The following NADK2 variants were observed in gnomAD, a reference collection of about 807,000 sequenced individuals.
NADK2 encodes NAD kinase domain-containing protein 1, mitochondrial.
Under a neutral mutation model 62.1 loss-of-function variants are expected in NADK2, and 35 were observed. The ratio of observed to expected loss-of-function variants is 0.56; its 90% CI spans 0.43 to 0.75. The LOEUF is 0.75. Among genes scored for constraint, NADK2 ranks in the 30% least tolerant of loss-of-function variants. The pLI, the probability that NADK2 is intolerant of heterozygous loss-of-function variation, is 0.00. For missense variants in NADK2, 439 were observed against 561.3 expected, an observed-to-expected ratio of 0.78 and a Z score of 2.20; for synonymous variants, 205 against 207.9, an observed-to-expected ratio of 0.99 and a Z score of 0.12.
chr5:36,192,817 T>C lies in NADK2; in HGVS notation c.*2327A>G, dbSNP rs1579586859. On this transcript the variant is annotated 3_prime_UTR_variant, in exon 12 of 12. Transcript: ENST00000381937. ...GGGGAAACACTTCTGAAACATAACATTTTGTGAAAACTAGTTTTCAAATAA... is the reference window on the plus strand; with the variant it reads ...GGGGAAACACTTCTGAAACATAACACTTTGTGAAAACTAGTTTTCAAATAA... The C allele has an allele frequency of 1.3e-5, 2 of 152,296 alleles. No homozygotes were observed. The allele number at this position is 152,296 out of a possible 1,614,324, so 9.4% of individuals were successfully genotyped here.
At chr5:36,203,030 TAA>T (rs1281582206) in intron 8 of NADK2, among the ~76,000 whole-genome samples, 1 of 151,678 alleles carries the variant, frequency 6.6e-6, no homozygotes, top group East Asian at 2.0e-4. Flanking sequence ...TATCAAGAAT[TAA>T]AAGAGAGAAA....
At chr5:36,195,603 T>C (rs1257545624) in intron 11 of NADK2, among the ~76,000 whole-genome samples, 6 of 152,238 alleles carry the variant, frequency 3.9e-5, no homozygotes, top group African/African-American at 1.2e-4. Flanking sequence ...ACTATTTTCA[T>C]GTAAAATTTG....
At position 36,219,651 on chromosome 5, in the gene NADK2, G is replaced by A; in HGVS notation, c.589C>T (p.Arg197Ter). ...GCTTCTGGAAAGGAATGTGTATATCGAACGGGCAGGCATAAATGACCCTCA... is the reference window on the plus strand; with the variant it reads ...GCTTCTGGAAAGGAATGTGTATATCAAACGGGCAGGCATAAATGACCCTCA... ...RSEGHLCLPV[R>*]YTHSFPEALQ... The change falls in exon 5 of 12, where the codon CGA becomes TGA. Residue 197 changes from arginine (R) to a stop codon, truncating the protein, a stop_gained. Coordinates refer to ENST00000381937, the MANE Select transcript of NADK2 (RefSeq NM_001085411.3). LOFTEE classifies it high-confidence loss of function. The A allele has an allele frequency of 2.5e-6, 4 of 1,613,762 alleles. No individual in the cohort carries two copies. Among genetic ancestry groups the A allele is most frequent in the Non-Finnish European group, 3.4e-6 (4 of 1,179,836 alleles).
intron 1 of NADK2, among the ~76,000 whole-genome samples, chr5:36,230,222 T>TC (rs1318705202): frequency 6.6e-6 from 1 of 152,140 alleles, no homozygotes; most frequent in Admixed American, 6.5e-5. Context: ...TCATTTTTCC[T>TC]CCCCATTCCC....
At chr5:36,219,054 G>A (rs1334269576) in intron 5 of NADK2, among the ~76,000 whole-genome samples, 1 of 152,140 alleles carries the variant, frequency 6.6e-6, no homozygotes, top group African/African-American at 2.4e-5. Context: ...TTATATTATA[G>A]GCCAACCAAT....
At chr5:36,200,345 C>T (rs1746393841) in intron 9 of NADK2, 65 bp from the exon 10 acceptor site, 16 of 1,062,378 alleles carry the variant, frequency 1.5e-5, no homozygotes, top group Admixed American at 3.1e-5. Context: ...ATATATTTTC[C>T]TTGAAAAAGG....
At chr5:36,218,978 C>A (rs748362853) in intron 5 of NADK2, among the ~76,000 whole-genome samples, 12 of 151,948 alleles carry the variant, frequency 7.9e-5, no homozygotes. Context: ...GGACATGTAA[C>A]GAGGTTAAGA....
At chr5:36,211,782 A>G (rs1746854904) in intron 7 of NADK2, 62 bp downstream of exon 7, 1 of 1,376,900 alleles carries the variant, frequency 7.3e-7, no homozygotes, top group South Asian at 1.2e-5. Context: ...TAGAAACTGA[A>G]TAAATATCCA....
At chr5:36,204,300 G>C (rs3849786) in intron 8 of NADK2, among the ~76,000 whole-genome samples, 1 of 152,100 alleles carries the variant, frequency 6.6e-6, no homozygotes, top group African/African-American at 2.4e-5. Context: ...TCCTGCATTT[G>C]GCAGGCAAGG....
chr5:36,219,743 A>C, intron 4 of NADK2, 64 bp from the exon 5 acceptor site: 1 of 1,249,210 alleles, frequency 8.0e-7, no homozygotes, highest in Non-Finnish European at 1.2e-6. Flanking sequence ...AAGCAAAAAA[A>C]TTTAATCAAA....
chr5:36,215,429 T>G (rs1350562009), intron 6 of NADK2, among the ~76,000 whole-genome samples: 1 of 152,218 alleles, frequency 6.6e-6, no homozygotes, highest in Non-Finnish European at 1.5e-5. Context: ...TATTTGTCAT[T>G]TGTGTTGGGA....
chr5:36,226,451 T>A (rs2112165210), intron 3 of NADK2, 24 bp downstream of exon 3: 1 of 1,574,780 alleles, frequency 6.4e-7, no homozygotes, highest in Non-Finnish European at 8.7e-7. Flanking sequence ...TATGCCAACA[T>A]CTTTACTTCT....
intron 6 of NADK2, chr5:36,213,215 G>A (rs1746913770): frequency 6.6e-6 from 1 of 152,114 alleles, no homozygotes; most frequent in East Asian, 1.9e-4. Flanking sequence ...GCTACTCTTA[G>A]AATCTTGACC....
intron 8 of NADK2, 30 bp downstream of exon 8, chr5:36,207,140 A>T (rs779780870): frequency 1.3e-6 from 2 of 1,562,832 alleles, no homozygotes; most frequent in Non-Finnish European, 8.8e-7. Context: ...ATTTCACAAA[A>T]CTTGATAAGC....
chr5:36,207,047 T>C (rs1746666263), intron 8 of NADK2, 123 bp downstream of exon 8: 7 of 720,298 alleles, frequency 9.7e-6, no homozygotes, highest in South Asian at 1.7e-5. Flanking sequence ...AAACAGAAAC[T>C]TGGCCTACCT....
intron 5 of NADK2, 26 bp from the exon 6 acceptor site, chr5:36,217,910 T>C (rs1747109490): frequency 6.2e-7 from 1 of 1,604,386 alleles, no homozygotes; most frequent in Non-Finnish European, 8.5e-7. Context: ...AAAAGGCAAA[T>C]TATGTTAAAA....
chr5:36,226,001 A>G (rs1250923439), intron 3 of NADK2, among the ~76,000 whole-genome samples: 2 of 152,210 alleles, frequency 1.3e-5, no homozygotes, highest in East Asian at 1.9e-4. Flanking sequence ...TTATTTTAAT[A>G]AAAACATATC....
At chr5:36,228,013 T>G (rs541987595) in intron 1 of NADK2, among the ~76,000 whole-genome samples, 142 of 152,220 alleles carry the variant, frequency 9.3e-4, no homozygotes, top group African/African-American at 3.4e-3. Flanking sequence ...TGACCAAAGA[T>G]AAACTAATAC....
At position 36,241,760 on chromosome 5, in the gene NADK2, A is replaced by G; in HGVS notation, c.39T>C (p.Cys13=). ...CYRGFLLGSC[C]RVAGGRAAAL... is the part of the protein sequence containing the mutation. Reference sequence around the variant, plus strand: ...CCGCCGCCCGGCCGCCCGCCACGCGACAACAGCTGCCCAGCAAGAAGCCTC... The same window carrying G: ...CCGCCGCCCGGCCGCCCGCCACGCGGCAACAGCTGCCCAGCAAGAAGCCTC... The change falls in exon 1 of 12, where the codon TGT becomes TGC. Residue 13 remains cysteine (C), a synonymous_variant. Transcript: ENST00000381937. The surrounding 1 kb of genome is among the most constrained non-coding windows in gnomAD (Gnocchi z 4.9). 7.5e-7 allele frequency: 1 copy of G among 1,328,404 alleles called. No individual in the cohort carries two copies. The highest frequency in any genetic ancestry group is 9.7e-7 in the Non-Finnish European group (1 of 1,034,658). 82.3% of individuals were successfully genotyped at this position (1,328,404 alleles called of 1,614,324 possible).
Sources: gnomAD v4.1 joint callset for allele counts (sites outside exome capture counted in the v4.1 genomes callset) on GRCh38, gnomAD v4.1.1 for gene constraint, Gnocchi (gnomAD v3.1) non-coding constraint, MANE v1.5 for transcripts, NCBI Gene and HGNC (gene_info 2026-07-23, HGNC 2026-07-21) for gene names.